TBC1D22B: variants seen among roughly 807,000 people sequenced by gnomAD.
TBC1D22B encodes the protein chromosome 6 open reading frame 197.
TBC1D22B carries 32 observed loss-of-function variants against 69.1 expected under a neutral mutation model. That is an observed-to-expected ratio of 0.46 (90% CI 0.35 to 0.62). The LOEUF (loss-of-function observed/expected upper bound fraction) is 0.62. Ranked by LOEUF, TBC1D22B falls within the 20% of genes least tolerant of loss-of-function variation. The pLI, the probability that TBC1D22B is intolerant of heterozygous loss-of-function variation, is 0.00. For synonymous variants in TBC1D22B, 206 were observed against 229.8 expected (o/e 0.90, Z 0.94); for missense variants, 462 against 630.9 (o/e 0.73, Z 2.87).
intron 8 of TBC1D22B, among the ~76,000 whole-genome samples, chr6:37,305,980 C>T (rs1273961987): frequency 6.6e-6 from 1 of 152,174 alleles, no homozygotes; most frequent in African/African-American, 2.4e-5. Flanking sequence ...GCCCCATCTT[C>T]GTAGATGAAG....
At chr6:37,324,020 A>G (rs1768324959) in intron 12 of TBC1D22B, among the ~76,000 whole-genome samples, 1 of 152,234 alleles carries the variant, frequency 6.6e-6, no homozygotes, top group South Asian at 2.1e-4. Flanking sequence ...CATGTTTTTG[A>G]AAAGTTGTAT....
Position 37,332,223 on chromosome 6 carries a change from C to G in TBC1D22B, c.*1051C>G, listed in dbSNP as rs948346446. 1 of 152,412 alleles carries G rather than the reference C, an allele frequency of 6.6e-6. No individual in the cohort carries two copies. Among genetic ancestry groups the G allele is most frequent in the Non-Finnish European group, 1.5e-5 (1 of 68,060 alleles). 9.4% of individuals were successfully genotyped at this position (152,412 alleles called of 1,614,324 possible). On this transcript the variant is annotated 3_prime_UTR_variant, in exon 13 of 13. Transcript: ENST00000373491. ...AGTAGCTGAGCAGCTGGAGCCATCC[C>G]AAGCATCAGTGTCTCAGAGTCCTCC...
intron 12 of TBC1D22B, among the ~76,000 whole-genome samples, chr6:37,322,354 G>A (rs1357188553): frequency 2.0e-5 from 3 of 152,086 alleles, no homozygotes; most frequent in Non-Finnish European, 4.4e-5. Context: ...CCTGGCCAAC[G>A]TGGTGAAACT....
chr6:37,279,623 C>T lies in TBC1D22B; in HGVS notation c.421+12C>T. On this transcript the variant is annotated intron_variant, in intron 3 of 12. Coordinates refer to ENST00000373491, the MANE Select transcript of TBC1D22B (RefSeq NM_017772.4). The stretch of plus-strand genomic sequence containing the variant: ...GTCCAGAAACTCTAGTAAGTCCTTC[C>T]TGCTCCCTTCATAGCCTCAGCCTTC... 1 of 1,595,314 alleles carries T rather than the reference C, an allele frequency of 6.3e-7. No individual in the cohort carries two copies. Among genetic ancestry groups the T allele is most frequent in the Non-Finnish European group, 8.5e-7 (1 of 1,170,418 alleles).
chr6:37,321,597 G>C (rs1316694010), intron 12 of TBC1D22B, among the ~76,000 whole-genome samples: 1 of 152,168 alleles, frequency 6.6e-6, no homozygotes, highest in Non-Finnish European at 1.5e-5. Flanking sequence ...ATCTCCTGCT[G>C]CCCTTTCATG....
Position 37,291,203 on chromosome 6 carries a change from C to T in TBC1D22B, c.868-40C>T, listed in dbSNP as rs370062524. 29 of 1,399,194 alleles carry T rather than the reference C, an allele frequency of 2.1e-5. No individual in the cohort carries two copies. The African/African-American group carries it at 3.1e-4, about 15-fold the overall frequency. 86.7% of individuals were successfully genotyped at this position (1,399,194 alleles called of 1,614,324 possible). On this transcript the variant is annotated intron_variant, in intron 7 of 12. Transcript: ENST00000373491. ...AACGGAGGGAAGGAGTGTGTGTCCC[C>T]GTGATTTAACACTCGTGTCTTTCTT... is the stretch of plus-strand genomic sequence containing the variant.
intron 12 of TBC1D22B, among the ~76,000 whole-genome samples, chr6:37,323,647 A>G (rs1285351239): frequency 1.3e-5 from 2 of 152,248 alleles, no homozygotes; most frequent in African/African-American, 4.8e-5. Flanking sequence ...CCAGACCTCA[A>G]TAATAAAGTA....
At chr6:37,302,330 A>G (rs774503726) in intron 8 of TBC1D22B, among the ~76,000 whole-genome samples, 15 of 152,220 alleles carry the variant, frequency 9.9e-5, no homozygotes, top group Non-Finnish European at 2.2e-4. Flanking sequence ...CTGGGGAGAT[A>G]AAGTCTCTGG....
At chr6:37,287,115 A>G in intron 7 of TBC1D22B, 43 bp downstream of exon 7, 1 of 1,518,968 alleles carries the variant, frequency 6.6e-7, no homozygotes, top group South Asian at 1.2e-5. Flanking sequence ...CTCCCCGCAT[A>G]GTTCTGTGGC....
rs532388091 is a variant in TBC1D22B at position 37,298,572 on chromosome 6, G to A, written c.982+7215G>A. On this transcript the variant is annotated intron_variant, in intron 8 of 12. Coordinates refer to ENST00000373491, the MANE Select transcript of TBC1D22B (RefSeq NM_017772.4). ...TTTTTTTTTTTTTTTTTGAGACGGA[G>A]TCTTGCTCTGTTGCCCAAGCCGGAG... Among the ~76,000 whole-genome samples, 351 of 103,728 alleles carry A rather than the reference G, an allele frequency of 3.4e-3. 2 individuals are homozygous for A. The highest frequency in any genetic ancestry group is 0.015 in the African/African-American group (333 of 22,720). The allele number at this position is 103,728 out of a possible 152,430, so 68.0% of individuals were successfully genotyped here. A position where few individuals can be genotyped will look rare whatever the true frequency, so the allele number is the denominator to read the frequency against.
chr6:37,277,031 G>A (rs535847481), intron 2 of TBC1D22B, among the ~76,000 whole-genome samples: 1 of 152,242 alleles, frequency 6.6e-6, no homozygotes, highest in African/African-American at 2.4e-5. Context: ...GTCAGCACCT[G>A]TTAGAACCTG....
At position 37,331,285 on chromosome 6, in the gene TBC1D22B, C is replaced by A; in HGVS notation, c.*113C>A. On this transcript the variant is annotated 3_prime_UTR_variant, in exon 13 of 13. Coordinates refer to ENST00000373491, the MANE Select transcript of TBC1D22B (RefSeq NM_017772.4). ...CAGGAACCACTCCTGTTGTACAAAG[C>A]TCACACCCACCGCCCAGGTCTTAAC... 1.8e-6 allele frequency: 2 copies of A among 1,086,308 alleles called. No homozygotes were observed. The highest frequency in any genetic ancestry group is 2.7e-6 in the Non-Finnish European group (2 of 729,910). 67.3% of individuals were successfully genotyped at this position (1,086,308 alleles called of 1,614,324 possible). A position where few individuals can be genotyped will look rare whatever the true frequency, so the allele number is the denominator to read the frequency against.
chr6:37,331,046 T>C lies in TBC1D22B; in HGVS notation c.1392T>C (p.Gly464=), dbSNP rs775244136. The C allele has an allele frequency of 2.5e-6, 4 of 1,613,788 alleles. No homozygotes were observed. The highest frequency in any genetic ancestry group is 2.7e-5 in the African/African-American group (2 of 74,834). ...AAAAGTCCTTTCTTGCATTCCAGGGTCTCCTCATGCTGCTACAGAACCTAC... is the reference window on the plus strand; with the variant it reads ...AAAAGTCCTTTCTTGCATTCCAGGGCCTCCTCATGCTGCTACAGAACCTAC... The part of the protein sequence containing the change: ...KEILDEEDFQ[G]LLMLLQNLPT... Residue 464 remains glycine, a splice_region_variant and synonymous_variant, in exon 13 of 13, where the codon GGT becomes GGC. Transcript: ENST00000373491.
intron 8 of TBC1D22B, among the ~76,000 whole-genome samples, chr6:37,299,322 T>C (rs1165241294): frequency 6.6e-6 from 1 of 152,174 alleles, no homozygotes; most frequent in African/African-American, 2.4e-5. Context: ...TCATCTGCTA[T>C]GTGTTAAAAA....
intron 12 of TBC1D22B, among the ~76,000 whole-genome samples, chr6:37,321,419 A>G (rs544020941): frequency 1.3e-3 from 193 of 152,090 alleles, no homozygotes; most frequent in Non-Finnish European, 2.3e-3. Flanking sequence ...CTCTCCCCCT[A>G]CATTGGAGGT....
intron 8 of TBC1D22B, among the ~76,000 whole-genome samples, chr6:37,309,017 A>C (rs1262797958): frequency 2.0e-5 from 3 of 152,080 alleles, no homozygotes; most frequent in Non-Finnish European, 4.4e-5. Flanking sequence ...TGGTAACAAT[A>C]ATAATTATGC....
intron 12 of TBC1D22B, among the ~76,000 whole-genome samples, chr6:37,325,289 T>A (rs552865403): frequency 6.6e-6 from 1 of 152,206 alleles, no homozygotes; most frequent in South Asian, 2.1e-4. Context: ...CCAACTGTTT[T>A]CTACAAAGGG....
At chr6:37,303,247 A>G (rs1298298387) in intron 8 of TBC1D22B, among the ~76,000 whole-genome samples, 1 of 152,150 alleles carries the variant, frequency 6.6e-6, no homozygotes, top group Non-Finnish European at 1.5e-5. Context: ...AATCTTTGCT[A>G]TTCTTAGGCT....
rs17572438 is a variant in TBC1D22B, at chr6:37,279,724, A to G, written c.421+113A>G. Reference sequence around the variant, plus strand: ...AGGTAGATATTCAACTGGGCGGTAAATAAACTCAAGCCTGAGATGTGACAT... The same window carrying G: ...AGGTAGATATTCAACTGGGCGGTAAGTAAACTCAAGCCTGAGATGTGACAT... On this transcript the variant is annotated intron_variant, in intron 3 of 12. Coordinates refer to ENST00000373491, the MANE Select transcript of TBC1D22B (RefSeq NM_017772.4). 125,250 of 1,151,240 alleles carry G rather than the reference A, an allele frequency of 0.11. 7,381 individuals are homozygous for G. Among genetic ancestry groups the G allele is most frequent in the Non-Finnish European group, 0.12 (101,529 of 828,246 alleles). 71.3% of individuals were successfully genotyped at this position (1,151,240 alleles called of 1,614,324 possible). A position where few individuals can be genotyped will look rare whatever the true frequency, so the allele number is the denominator to read the frequency against.
Sources: allele counts gnomAD v4.1 joint callset (sites outside exome capture counted in the v4.1 genomes callset), GRCh38; gene constraint gnomAD v4.1.1; transcripts MANE v1.5; gene names NCBI Gene and HGNC (gene_info 2026-07-23, HGNC 2026-07-21).